Variants in GRM5 observed in about 807,000 individuals in gnomAD.
GRM5 encodes the protein glutamate metabotropic receptor 5, also known as metabotropic glutamate receptor 5.
A neutral mutation model predicts 83.1 loss-of-function variants in GRM5; 19 were observed. The ratio of observed to expected loss-of-function variants is 0.23; its 90% CI spans 0.16 to 0.34. The LOEUF (loss-of-function observed/expected upper bound fraction) is 0.34, where lower values mean the gene tolerates loss of function less well. Ranked by LOEUF, GRM5 falls within the 10% of genes least tolerant of loss-of-function variation. The pLI, the probability that GRM5 is intolerant of heterozygous loss-of-function variation, is 1.00. For synonymous variants in GRM5, 675 were observed against 633.6 expected (o/e 1.07, Z -0.98); for missense variants, 1,160 against 1,588.3 (o/e 0.73, Z 4.58).
chr11:88,642,839 T>C (rs746587681), intron 4 of GRM5, among the ~76,000 whole-genome samples: 1 of 152,190 alleles, frequency 6.6e-6, no homozygotes, highest in Non-Finnish European at 1.5e-5. Flanking sequence ...TGAATTTCAC[T>C]GTCCGTATCA....
At chr11:88,594,839 G>C (rs1937755338) in intron 6 of GRM5, among the ~76,000 whole-genome samples, 1 of 152,140 alleles carries the variant, frequency 6.6e-6, no homozygotes, top group Admixed American at 6.5e-5. Context: ...AATGGCTCTA[G>C]GAATACACTG....
intron 2 of GRM5, among the ~76,000 whole-genome samples, chr11:89,006,720 C>T (rs1940537446): frequency 6.6e-6 from 1 of 152,200 alleles, no homozygotes; most frequent in Admixed American, 6.5e-5. Flanking sequence ...TTGCATATTA[C>T]CTTTACCTTG....
At chr11:88,960,556 A>T (rs1026448876) in intron 2 of GRM5, among the ~76,000 whole-genome samples, 1 of 152,240 alleles carries the variant, frequency 6.6e-6, no homozygotes, top group African/African-American at 2.4e-5. Context: ...TATCTGATTT[A>T]AAAGAATCAC....
rs554492753 is a variant in GRM5, at chr11:88,942,546, T to C, written c.662-92391A>G. 3.9e-5 allele frequency among the ~76,000 whole-genome samples: 6 copies of C among 152,186 alleles called. No individual in the cohort carries two copies. In the East Asian group the frequency reaches 7.7e-4, roughly 20 times the overall value. ...CTGCCAACACCAGTTTCTAGTCTGA[T>C]GGCCCTCAAAGGTTTTCCTAAAATT... On this transcript the variant is annotated intron_variant, in intron 2 of 9. Transcript: ENST00000305447.
intron 8 of GRM5, among the ~76,000 whole-genome samples, chr11:88,535,111 G>A (rs773493146): frequency 3.9e-5 from 6 of 152,100 alleles, no homozygotes; most frequent in East Asian, 1.9e-4. Context: ...GCATGAAAAC[G>A]AACTAATACA....
At chr11:88,748,018 A>G (rs955429992) in intron 3 of GRM5, among the ~76,000 whole-genome samples, 2 of 152,164 alleles carry the variant, frequency 1.3e-5, no homozygotes, top group Non-Finnish European at 1.5e-5. Flanking sequence ...GAGGTGAAGT[A>G]TGTTCCACTC....
At chr11:88,934,227 A>G (rs1485890486) in intron 2 of GRM5, among the ~76,000 whole-genome samples, 1 of 151,780 alleles carries the variant, frequency 6.6e-6, no homozygotes, top group African/African-American at 2.4e-5. Flanking sequence ...TCAAGCTGTG[A>G]TCTCTATTTT....
intron 3 of GRM5, among the ~76,000 whole-genome samples, chr11:88,785,622 C>T (rs146284798): frequency 9.9e-4 from 151 of 152,154 alleles, no homozygotes; most frequent in African/African-American, 3.4e-3. Flanking sequence ...GGAGACACAA[C>T]ATCATGCAGT....
intron 4 of GRM5, among the ~76,000 whole-genome samples, chr11:88,639,640 T>A (rs1042079674): frequency 2.0e-5 from 3 of 151,064 alleles, no homozygotes; most frequent in African/African-American, 7.3e-5. Context: ...CAGGCTGGAG[T>A]GCAGTGGCAC....
At chr11:88,920,175 A>G (rs1216037553) in intron 2 of GRM5, among the ~76,000 whole-genome samples, 1 of 152,052 alleles carries the variant, frequency 6.6e-6, no homozygotes, top group Non-Finnish European at 1.5e-5. Context: ...AAAAGAGAGA[A>G]GATCAAAATT....
At chr11:88,670,547 C>T (rs1940165177) in intron 3 of GRM5, among the ~76,000 whole-genome samples, 1 of 2,148 alleles carries the variant, frequency 4.7e-4, no homozygotes, top group East Asian at 0.062. Flanking sequence ...GCTAGATAGG[C>T]AAAAAGTCTG....
chr11:88,725,402 A>G (rs935855121), intron 3 of GRM5, among the ~76,000 whole-genome samples: 4 of 152,304 alleles, frequency 2.6e-5, no homozygotes, highest in African/African-American at 9.6e-5. Context: ...CTTATAGATC[A>G]AACTCTCATC....
At chr11:88,523,256 A>G (rs1216593134) in intron 9 of GRM5, among the ~76,000 whole-genome samples, 1 of 152,174 alleles carries the variant, frequency 6.6e-6, no homozygotes, top group African/African-American at 2.4e-5. Context: ...ACAGATTCCT[A>G]AGTTGTATTG....
chr11:88,514,444 A>G (rs1039251810), intron 9 of GRM5, among the ~76,000 whole-genome samples: 3 of 152,250 alleles, frequency 2.0e-5, no homozygotes, highest in South Asian at 2.1e-4. Flanking sequence ...TGTCATGTCA[A>G]TGACCTCACC....
rs565405311 is a variant in GRM5 at position 88,851,572 on chromosome 11, T to C, written c.662-1417A>G. On this transcript the variant is annotated intron_variant, in intron 2 of 9. Transcript: ENST00000305447. The stretch of plus-strand genomic sequence containing the variant: ...TGATAAAGGTTAATGTTCTCTTCCC[T>C]TGGCTGATAAAACTGAAGTTCAAAT... Among the ~76,000 whole-genome samples the C allele has an allele frequency of 4.6e-5, 7 of 152,342 alleles. No individual in the cohort carries two copies. The East Asian group carries it at 1.3e-3, about 29-fold the overall frequency.
intron 2 of GRM5, among the ~76,000 whole-genome samples, chr11:88,853,052 T>A (rs1178872439): frequency 6.6e-6 from 1 of 152,112 alleles, no homozygotes; most frequent in South Asian, 2.1e-4. Context: ...GTATAAAATA[T>A]GAAACTAACA....
intron 8 of GRM5, among the ~76,000 whole-genome samples, chr11:88,531,412 A>C (rs907060129): frequency 3.9e-5 from 6 of 152,146 alleles, no homozygotes; most frequent in East Asian, 1.9e-4. Context: ...AGCAAAGAGC[A>C]ATATATAGAA....
intron 8 of GRM5, among the ~76,000 whole-genome samples, chr11:88,550,884 G>A (rs1942492433): frequency 6.6e-6 from 1 of 152,104 alleles, no homozygotes; most frequent in South Asian, 2.1e-4. Context: ...GGACTCTAGA[G>A]ACAAACTGCT....
intron 2 of GRM5, among the ~76,000 whole-genome samples, chr11:88,871,400 C>T (rs770429003): frequency 6.6e-6 from 1 of 151,606 alleles, no homozygotes. Context: ...CTACATGCAT[C>T]TAAGAAAGAT....
Sources: allele counts gnomAD v4.1 joint callset (sites outside exome capture counted in the v4.1 genomes callset), GRCh38; gene constraint gnomAD v4.1.1; transcripts MANE v1.5; gene names NCBI Gene and HGNC (gene_info 2026-07-23, HGNC 2026-07-21).